ENTPD1: variants seen among roughly 807,000 people sequenced by gnomAD.
ENTPD1 encodes the protein ectonucleoside triphosphate diphosphohydrolase 1.
A neutral mutation model predicts 57.0 loss-of-function variants in ENTPD1; 33 were observed. The ratio of observed to expected loss-of-function variants is 0.58; its 90% CI spans 0.44 to 0.77. The LOEUF (loss-of-function observed/expected upper bound fraction) is 0.77, where lower values mean the gene tolerates loss of function less well. ENTPD1 is among the 30% of genes least tolerant of loss of function. The pLI, the probability that ENTPD1 is intolerant of heterozygous loss-of-function variation, is 0.00. For synonymous variants in ENTPD1, 202 were observed against 218.8 expected (o/e 0.92, Z 0.68); for missense variants, 501 against 603.4 (o/e 0.83, Z 1.78).
chr10:95,698,208 C>T, the ENTPD1 span, among the ~76,000 whole-genome samples: 1 of 152,134 alleles, frequency 6.6e-6, no homozygotes, highest in Non-Finnish European at 1.5e-5. Context: ...GAACTGTGTC[C>T]ATGCCTGAGG....
At chr10:95,808,228 T>C (rs1376453647) in intron 1 of ENTPD1, among the ~76,000 whole-genome samples, 1 of 152,238 alleles carries the variant, frequency 6.6e-6, no homozygotes, top group Non-Finnish European at 1.5e-5. Flanking sequence ...ATTTATTGAT[T>C]TGCTTATGTT....
At chr10:95,771,119 C>T (rs2098114605) in intron 1 of ENTPD1, among the ~76,000 whole-genome samples, 1 of 152,050 alleles carries the variant, frequency 6.6e-6, no homozygotes, top group African/African-American at 2.4e-5. Context: ...TTGTAATCCT[C>T]AATTTTACTT....
At chr10:95,771,670 T>G (rs2140101350) in intron 1 of ENTPD1, among the ~76,000 whole-genome samples, 1 of 152,190 alleles carries the variant, frequency 6.6e-6, no homozygotes, top group Non-Finnish European at 1.5e-5. Flanking sequence ...CCCAAACTAG[T>G]CCCCCAGTGT....
At chr10:95,864,257 G>GA (rs2098470208) in intron 8 of ENTPD1, among the ~76,000 whole-genome samples, 1 of 152,180 alleles carries the variant, frequency 6.6e-6, no homozygotes, top group Non-Finnish European at 1.5e-5. Flanking sequence ...TGCAGATTCT[G>GA]AATTGGTAGT....
intron 1 of ENTPD1, among the ~76,000 whole-genome samples, chr10:95,731,971 C>T (rs146476965): frequency 4.3e-4 from 65 of 151,614 alleles, no homozygotes; most frequent in South Asian, 8.4e-4. Flanking sequence ...TTAGTAGAGA[C>T]GGGGTTTCAC....
chr10:95,760,692 T>C (rs1464941566), intron 1 of ENTPD1, among the ~76,000 whole-genome samples: 4 of 152,132 alleles, frequency 2.6e-5, no homozygotes, highest in Non-Finnish European at 5.9e-5. Context: ...CTCCGCTCTT[T>C]ATAACTGGTA....
At chr10:95,700,897 A>G in the ENTPD1 span, among the ~76,000 whole-genome samples, 6 of 151,946 alleles carry the variant, frequency 3.9e-5, no homozygotes, top group African/African-American at 1.5e-4. Context: ...GGCTCAAGCA[A>G]TTCTCCTGCC....
intron 1 of ENTPD1, among the ~76,000 whole-genome samples, chr10:95,775,535 A>G (rs1340893747): frequency 1.3e-5 from 2 of 152,226 alleles, no homozygotes; most frequent in African/African-American, 4.8e-5. Context: ...AATTTTTAGC[A>G]TGAAGGGCTG....
intron 7 of ENTPD1, among the ~76,000 whole-genome samples, chr10:95,859,268 C>T (rs2098461171): frequency 6.6e-6 from 1 of 152,218 alleles, no homozygotes; most frequent in African/African-American, 2.4e-5. Context: ...TTCCTCATCT[C>T]TGAGTCACAG....
intron 2 of ENTPD1, among the ~76,000 whole-genome samples, chr10:95,833,238 C>G (rs541727447): frequency 2.0e-4 from 31 of 152,222 alleles, no homozygotes; most frequent in African/African-American, 7.2e-4. Flanking sequence ...CTTAATACCA[C>G]AAAACTGCAC....
intron 5 of ENTPD1, among the ~76,000 whole-genome samples, chr10:95,845,082 C>T (rs1171779840): frequency 1.3e-5 from 2 of 152,140 alleles, no homozygotes; most frequent in South Asian, 2.1e-4. Flanking sequence ...AGCTAACAAG[C>T]GACTGAGTGA....
intron 2 of ENTPD1, among the ~76,000 whole-genome samples, chr10:95,828,765 C>T (rs1219034537): frequency 2.7e-5 from 4 of 147,536 alleles, no homozygotes; most frequent in African/African-American, 1.0e-4. Context: ...GGCTGGAGCG[C>T]AGTGGCATGA....
chr10:95,814,950 T>C (rs1043983255), intron 1 of ENTPD1, among the ~76,000 whole-genome samples: 1 of 152,230 alleles, frequency 6.6e-6, no homozygotes, highest in East Asian at 1.9e-4. Flanking sequence ...CTCCTTCTTT[T>C]TTGCCTTTTG....
At chr10:95,728,522 C>G (rs934335645) in intron 1 of ENTPD1, among the ~76,000 whole-genome samples, 2 of 152,158 alleles carry the variant, frequency 1.3e-5, no homozygotes, top group Non-Finnish European at 2.9e-5. Context: ...CTTTTCTCTG[C>G]TTGTTGGGAG....
chr10:95,813,728 T>C (rs916426280), intron 1 of ENTPD1, among the ~76,000 whole-genome samples: 1 of 152,202 alleles, frequency 6.6e-6, no homozygotes, highest in Non-Finnish European at 1.5e-5. Flanking sequence ...TTATTTTGTA[T>C]AGCTTATAGC....
chr10:95,796,764 T>G (rs2098227810), intron 1 of ENTPD1, among the ~76,000 whole-genome samples: 1 of 152,082 alleles, frequency 6.6e-6, no homozygotes, highest in Non-Finnish European at 1.5e-5. Context: ...GAAGTTATTG[T>G]AGGAGTCCAG....
At chr10:95,764,763 C>G (rs1482999502) in intron 1 of ENTPD1, among the ~76,000 whole-genome samples, 1 of 126,260 alleles carries the variant, frequency 7.9e-6, no homozygotes, top group Non-Finnish European at 1.6e-5. Flanking sequence ...GCTCTTGTTG[C>G]CCAGGCTGGA....
chr10:95,719,640 G>A (rs942372604), intron 1 of ENTPD1, among the ~76,000 whole-genome samples: 6 of 151,848 alleles, frequency 4.0e-5, no homozygotes, highest in Non-Finnish European at 7.4e-5. Flanking sequence ...CACAGGTGGC[G>A]AGGAAATTTA....
At chr10:95,821,408 G>C (rs2140533399) in intron 1 of ENTPD1, among the ~76,000 whole-genome samples, 1 of 152,334 alleles carries the variant, frequency 6.6e-6, no homozygotes. Flanking sequence ...GCAGGACAAT[G>C]TTTGAGGATG....
Sources: allele counts gnomAD v4.1 joint callset (sites outside exome capture counted in the v4.1 genomes callset), GRCh38; gene constraint gnomAD v4.1.1; transcripts MANE v1.5; gene names NCBI Gene and HGNC (gene_info 2026-07-23, HGNC 2026-07-21).